PTGFR: variants seen among roughly 807,000 people sequenced by gnomAD.
PTGFR encodes the protein prostaglandin F receptor.
In PTGFR, 15 loss-of-function variants were observed where a neutral mutation model predicts 26.2. The ratio of observed to expected loss-of-function variants is 0.57; its 90% CI spans 0.38 to 0.88. The LOEUF (loss-of-function observed/expected upper bound fraction) is 0.88. PTGFR is among the 40% of genes least tolerant of loss of function. The pLI, the probability that PTGFR is intolerant of heterozygous loss-of-function variation, is 0.00. For synonymous variants in PTGFR, 165 were observed against 151.1 expected (o/e 1.09, Z -0.68); for missense variants, 369 against 427.2 (o/e 0.86, Z 1.20).
intron 2 of PTGFR, among the ~76,000 whole-genome samples, chr1:78,528,808 C>T (rs1570297564): frequency 6.6e-6 from 1 of 151,894 alleles, no homozygotes; most frequent in Non-Finnish European, 1.5e-5. Context: ...GTTAGATGTC[C>T]AGGCACAGTA....
chr1:78,511,615 A>G (rs1649972312), intron 2 of PTGFR, among the ~76,000 whole-genome samples: 1 of 152,194 alleles, frequency 6.6e-6, no homozygotes, highest in Admixed American at 6.5e-5. Context: ...GACTTCTGAA[A>G]TGGCTTTGAG....
rs79267664 is a variant in PTGFR at position 78,538,482 on chromosome 1, C to G, written c.*1795C>G. 5 of 148,690 alleles carry G rather than the reference C, an allele frequency of 3.4e-5. No individual in the cohort carries two copies. The highest frequency in any genetic ancestry group is 2.7e-4 in the Admixed American group (4 of 14,838). 9.2% of individuals were successfully genotyped at this position (148,690 alleles called of 1,614,324 possible). A position where few individuals can be genotyped will look rare whatever the true frequency, so the allele number is the denominator to read the frequency against. Reference sequence around the variant, plus strand: ...GTTATCTGAGTATATGTTTGGGTAACCAAATTGGTCTTAAAAATGATGTTA... The same window carrying G: ...GTTATCTGAGTATATGTTTGGGTAAGCAAATTGGTCTTAAAAATGATGTTA... On this transcript the variant is annotated 3_prime_UTR_variant, in exon 3 of 3. Transcript: ENST00000370757.
intron 2 of PTGFR, among the ~76,000 whole-genome samples, chr1:78,503,779 A>G (rs77982065): frequency 0.028 from 4,214 of 152,300 alleles, 198 homozygotes; most frequent in African/African-American, 0.096. Flanking sequence ...TGGCTTAGTA[A>G]TACTGAAGGA....
At chr1:78,515,611 G>A (rs1464529478) in intron 2 of PTGFR, among the ~76,000 whole-genome samples, 1 of 152,098 alleles carries the variant, frequency 6.6e-6, no homozygotes, top group Non-Finnish European at 1.5e-5. Flanking sequence ...TTACAATTCT[G>A]GACATTCTTT....
chr1:78,523,834 G>T (rs974960848), intron 2 of PTGFR, among the ~76,000 whole-genome samples: 1 of 152,056 alleles, frequency 6.6e-6, no homozygotes, highest in Non-Finnish European at 1.5e-5. Context: ...GTTTAAAGAA[G>T]AGACTCAAAG....
At chr1:78,493,645 C>A in intron 2 of PTGFR, 104 bp downstream of exon 2, 2 of 1,158,214 alleles carry the variant, frequency 1.7e-6, no homozygotes, top group Non-Finnish European at 2.3e-6. Flanking sequence ...GATCCCTACT[C>A]AAAATTTATT....
chr1:78,492,699 T>C lies in PTGFR; in HGVS notation c.-45T>C, dbSNP rs1261401360. 1 of 1,548,756 alleles carries C rather than the reference T, an allele frequency of 6.5e-7. No homozygotes were observed. Among genetic ancestry groups the C allele is most frequent in the East Asian group, 2.2e-5 (1 of 44,520 alleles). On this transcript the variant is annotated 5_prime_UTR_variant, in exon 2 of 3. Coordinates refer to ENST00000370757, the MANE Select transcript of PTGFR (RefSeq NM_000959.4). ...GTCTGGACTGCAATCCTGCACAGTT[T>C]TGAGAGGGAGATGACTTGAGTGGTT... is the stretch of plus-strand genomic sequence containing the variant.
At chr1:78,498,017 T>TATAA in intron 2 of PTGFR, 2 of 1,146,582 alleles carry the variant, frequency 1.7e-6, no homozygotes, top group Non-Finnish European at 2.5e-6. Context: ...GTTACTCTTA[T>TATAA]GCTAATATTT....
At chr1:78,527,240 T>C (rs539115166) in intron 2 of PTGFR, among the ~76,000 whole-genome samples, 1 of 152,240 alleles carries the variant, frequency 6.6e-6, no homozygotes, top group Non-Finnish European at 1.5e-5. Flanking sequence ...AAAGTTGGAT[T>C]TTTATGATTT....
intron 2 of PTGFR, among the ~76,000 whole-genome samples, chr1:78,500,375 C>CT (rs906350884): frequency 1.5e-4 from 23 of 152,320 alleles, no homozygotes; most frequent in African/African-American, 5.3e-4. Flanking sequence ...CCAGATCTTC[C>CT]TTTTCTCAAG....
At chr1:78,532,168 TG>T in intron 2 of PTGFR, 1 of 393,392 alleles carries the variant, frequency 2.5e-6, no homozygotes. Context: ...AACTAGAGAC[TG>T]GAAAACCACT....
chr1:78,495,323 A>G (rs1649520711), intron 2 of PTGFR, among the ~76,000 whole-genome samples: 1 of 152,198 alleles, frequency 6.6e-6, no homozygotes, highest in Non-Finnish European at 1.5e-5. Context: ...TTCATTGTTT[A>G]TTTTTGAGGA....
chr1:78,515,042 A>G (rs1650061808), intron 2 of PTGFR, among the ~76,000 whole-genome samples: 1 of 152,050 alleles, frequency 6.6e-6, no homozygotes, highest in South Asian at 2.1e-4. Context: ...ACGCAGTTTC[A>G]GGTATTTTTT....
chr1:78,536,517 T>C lies in PTGFR; in HGVS notation c.910T>C (p.Tyr304His). 1 of 1,613,302 alleles carries C rather than the reference T, an allele frequency of 6.2e-7. No homozygotes were observed. Among genetic ancestry groups the C allele is most frequent in the East Asian group, 2.2e-5 (1 of 44,836 alleles). Residue 304 changes from tyrosine to histidine, a missense_variant, in exon 3 of 3, where the codon TAT becomes CAT. Transcript: ENST00000370757. ...GAATCAAATCTTAGATCCTTGGGTA[T>C]ATATTCTTCTACGAAAGGCTGTCCT... ...TWNQILDPWV[Y>H]ILLRKAVLKN...
At chr1:78,528,229 T>C (rs1650420172) in intron 2 of PTGFR, among the ~76,000 whole-genome samples, 1 of 150,066 alleles carries the variant, frequency 6.7e-6, no homozygotes, top group African/African-American at 2.5e-5. Flanking sequence ...ATTTCAATTT[T>C]CTGCTTAGGT....
In PTGFR at chr1:78,497,979, T is replaced by G. The variant is rs149470604; in HGVS notation, c.798+4438T>G. The G allele has an allele frequency of 1.9e-4, 273 of 1,466,968 alleles. 1 individual carries two copies. In the African/African-American group the frequency reaches 3.5e-3, roughly 19 times the overall value. 90.9% of individuals were successfully genotyped at this position (1,466,968 alleles called of 1,614,324 possible). A position where few individuals can be genotyped will look rare whatever the true frequency, so the allele number is the denominator to read the frequency against. On this transcript the variant is annotated intron_variant, in intron 2 of 2. Coordinates refer to ENST00000370757, the MANE Select transcript of PTGFR (RefSeq NM_000959.4). Reference sequence around the variant, plus strand: ...CCCAAGAAATGTGTTCTCTTGCAAATGTAGAATTGGAGCTTGATTTTCCTA... The same window carrying G: ...CCCAAGAAATGTGTTCTCTTGCAAAGGTAGAATTGGAGCTTGATTTTCCTA...
intron 2 of PTGFR, among the ~76,000 whole-genome samples, chr1:78,495,182 T>C (rs1443848720): frequency 6.6e-5 from 10 of 152,230 alleles, no homozygotes. Context: ...CAATGGCAAG[T>C]CAACCTTTGG....
chr1:78,528,880 A>G (rs1233241906), intron 2 of PTGFR, among the ~76,000 whole-genome samples: 1 of 152,152 alleles, frequency 6.6e-6, no homozygotes, highest in Non-Finnish European at 1.5e-5. Flanking sequence ...CAACACATAC[A>G]TTTCAACAAG....
intron 2 of PTGFR, among the ~76,000 whole-genome samples, chr1:78,511,468 G>C (rs1012956186): frequency 6.6e-6 from 1 of 152,178 alleles, no homozygotes; most frequent in African/African-American, 2.4e-5. Flanking sequence ...TTTGAGCCAT[G>C]GCTGGAGCTG....
Sources: gnomAD v4.1 joint callset for allele counts (sites outside exome capture counted in the v4.1 genomes callset) on GRCh38, gnomAD v4.1.1 for gene constraint, MANE v1.5 for transcripts, NCBI Gene and HGNC (gene_info 2026-07-23, HGNC 2026-07-21) for gene names.